Variants in PI4KA observed in about 807,000 individuals in gnomAD.
PI4KA encodes phosphatidylinositol 4-kinase alpha, also known as PI4-kinase alpha.
PI4KA carries 122 observed loss-of-function variants against 271.4 expected under a neutral mutation model. The ratio of observed to expected loss-of-function variants is 0.45; its 90% CI spans 0.39 to 0.52. PI4KA has a LOEUF of 0.52. Among genes scored for constraint, PI4KA ranks in the 20% least tolerant of loss-of-function variants. PI4KA has a pLI of 0.00. For missense variants in PI4KA, 1,969 were observed against 2,769.1 expected, an observed-to-expected ratio of 0.71 and a Z score of 6.48; for synonymous variants, 1,041 against 1,078.8, an observed-to-expected ratio of 0.96 and a Z score of 0.69.
chr22:20,776,931 A>G (rs765982065), intron 19 of PI4KA, among the ~76,000 whole-genome samples: 1 of 152,222 alleles, frequency 6.6e-6, no homozygotes, highest in Non-Finnish European at 1.5e-5. Context: ...AAGAGCAGCC[A>G]GTAACTCTTA....
intron 19 of PI4KA, chr22:20,787,645 C>T (rs577017763): frequency 1.2e-5 from 2 of 167,348 alleles, no homozygotes; most frequent in Non-Finnish European, 2.6e-5. Context: ...CTGCTGTTGC[C>T]TCCCTGTGAC....
intron 18 of PI4KA, among the ~76,000 whole-genome samples, chr22:20,793,734 C>T (rs1488982030): frequency 6.6e-6 from 1 of 152,178 alleles, no homozygotes; most frequent in African/African-American, 2.4e-5. Context: ...TATTTATAGG[C>T]TTCTGTATCT....
intron 23 of PI4KA, among the ~76,000 whole-genome samples, chr22:20,758,380 A>AC (rs1167906584): frequency 2.0e-5 from 3 of 148,336 alleles, no homozygotes; most frequent in Non-Finnish European, 4.5e-5. Flanking sequence ...AAAAAAAAAA[A>AC]AAAAAAAAAC....
At chr22:20,763,352 T>C (rs562083409) in intron 22 of PI4KA, among the ~76,000 whole-genome samples, 1 of 152,246 alleles carries the variant, frequency 6.6e-6, no homozygotes, top group East Asian at 1.9e-4. Flanking sequence ...CCTCAGGATC[T>C]GCCTGCCTCG....
intron 1 of PI4KA, among the ~76,000 whole-genome samples, chr22:20,851,076 TAGGCCAGGCAC>T (rs1368778933): frequency 6.6e-6 from 1 of 152,020 alleles, no homozygotes. Flanking sequence ...TAAAAATGTC[TAGGCCAGGCAC>T]AGTGGCTCAT....
intron 18 of PI4KA, among the ~76,000 whole-genome samples, chr22:20,794,995 C>T (rs1934893962): frequency 6.6e-6 from 1 of 152,040 alleles, no homozygotes; most frequent in Non-Finnish European, 1.5e-5. Context: ...TGACCCCTGA[C>T]CTAGGACAGT....
intron 30 of PI4KA, 59 bp downstream of exon 30, chr22:20,744,569 C>T (rs1929845575): frequency 3.3e-6 from 4 of 1,220,600 alleles, no homozygotes; most frequent in East Asian, 2.4e-5. Flanking sequence ...AAGCGGCCAA[C>T]AGGCCTCAAA....
Position 20,712,675 on chromosome 22 carries a change from T to C in PI4KA, c.5676+18A>G. 2 of 1,553,808 alleles carry C rather than the reference T, an allele frequency of 1.3e-6. No individual in the cohort carries two copies. The highest frequency in any genetic ancestry group is 1.7e-6 in the Non-Finnish European group (2 of 1,145,682). On this transcript the variant is annotated intron_variant, in intron 49 of 54. Coordinates refer to ENST00000255882, the MANE Select transcript of PI4KA (RefSeq NM_058004.4). The stretch of plus-strand genomic sequence containing the variant: ...AGGTGCCCAGGGCTGCCCTACTGGC[T>C]CCACTCAGGGAACTTACCCCAGGGG...
In PI4KA at chr22:20,763,017, TGG is replaced by T. The variant is rs1227387739; in HGVS notation, c.2709-1633_2709-1632del. ...GGCTAGGTTTTTTTGCTTTTTTTTT[TGG>T]GGGGGGGGGGGGTTAGAGACAAGTT... On this transcript the variant is annotated intron_variant, in intron 22 of 54. Coordinates refer to ENST00000255882, the MANE Select transcript of PI4KA (RefSeq NM_058004.4). Among the ~76,000 whole-genome samples, 15 of 52,216 alleles carry T rather than the reference TGG, an allele frequency of 2.9e-4. 1 individual carries two copies. The highest frequency in any genetic ancestry group is 2.8e-3 in the East Asian group (5 of 1,818). 34.3% of individuals were successfully genotyped at this position (52,216 alleles called of 152,430 possible).
At position 20,823,807 on chromosome 22, in the gene PI4KA, G is replaced by A. The variant is rs367679637; in HGVS notation, c.456+519C>T. 9.9e-5 allele frequency among the ~76,000 whole-genome samples: 15 copies of A among 152,186 alleles called. No individual in the cohort carries two copies. In the South Asian group the frequency reaches 2.7e-3, roughly 27 times the overall value. On this transcript the variant is annotated intron_variant, in intron 4 of 54. Coordinates refer to ENST00000255882, the MANE Select transcript of PI4KA (RefSeq NM_058004.4). ...TACAAAACAAATTAGCTGGCATGAT[G>A]GTGCACGCCTATAGTCTCAGCTACT...
At chr22:20,761,461 A>T in intron 22 of PI4KA, 75 bp from the exon 23 acceptor site, 1 of 860,454 alleles carries the variant, frequency 1.2e-6, no homozygotes, top group East Asian at 2.4e-5. Flanking sequence ...ACTGCCCATA[A>T]GTGGTAAGGA....
intron 23 of PI4KA, among the ~76,000 whole-genome samples, chr22:20,759,506 C>A (rs2147368750): frequency 6.7e-6 from 1 of 148,536 alleles, no homozygotes; most frequent in South Asian, 2.1e-4. Context: ...CAGGTTCAAG[C>A]AATTCTCCTG....
At chr22:20,812,439 A>G (rs1438712252) in intron 8 of PI4KA, among the ~76,000 whole-genome samples, 3 of 152,182 alleles carry the variant, frequency 2.0e-5, no homozygotes, top group Non-Finnish European at 2.9e-5. Flanking sequence ...CTCATTTCCA[A>G]GACAGCAAGC....
chr22:20,787,852 T>C (rs1934368836), intron 19 of PI4KA: 2 of 154,626 alleles, frequency 1.3e-5, no homozygotes, highest in Non-Finnish European at 2.9e-5. Flanking sequence ...GCAGGGCATG[T>C]TCTCAGGACA....
At chr22:20,820,134 A>G (rs906330886) in intron 5 of PI4KA, among the ~76,000 whole-genome samples, 1 of 152,210 alleles carries the variant, frequency 6.6e-6, no homozygotes, top group African/African-American at 2.4e-5. Context: ...CCTGCTTGGA[A>G]GGTCTTCATC....
chr22:20,805,023 C>T lies in PI4KA; in HGVS notation c.1311G>A (p.Ala437=), dbSNP rs199953524. ...ELSPLKLRCQ[A]NAACVDLMVW... ...CCATGAGGTCCACACAGGCAGCATT[C>T]GCCTGACAGCGCAGTTTGAGGGGGC... The change falls in exon 11 of 55, where the codon GCG becomes GCA. Residue 437 remains alanine (A), a synonymous_variant. Coordinates refer to ENST00000255882, the MANE Select transcript of PI4KA (RefSeq NM_058004.4). 33 of 1,614,122 alleles carry T rather than the reference C, an allele frequency of 2.0e-5. No homozygotes were observed. Among genetic ancestry groups the T allele is most frequent in the East Asian group, 8.9e-5 (4 of 44,888 alleles).
intron 30 of PI4KA, 174 bp from the exon 31 acceptor site, chr22:20,742,938 G>C: frequency 1.7e-6 from 1 of 578,606 alleles, no homozygotes; most frequent in Non-Finnish European, 3.1e-6. Context: ...ACTGATCACA[G>C]CTTTTTTTTT....
rs373988097 is a variant in PI4KA, at chr22:20,742,362, C to T, written c.3614-7G>A. ...AGGAGCTGCGGGTCACAATCTGGAA[C>T]CAAACACACGTCAGTCAGAGGCCTC... On this transcript the variant is annotated splice_region_variant and splice_polypyrimidine_tract_variant and intron_variant, in intron 31 of 54. Transcript: ENST00000255882. 24 of 1,613,274 alleles carry T rather than the reference C, an allele frequency of 1.5e-5. No homozygotes were observed. The highest frequency in any genetic ancestry group is 2.0e-5 in the Non-Finnish European group (24 of 1,179,624).
intron 19 of PI4KA, chr22:20,780,077 C>A: frequency 6.2e-7 from 1 of 1,614,120 alleles, no homozygotes; most frequent in Non-Finnish European, 8.5e-7. Context: ...ACTTCTCAGA[C>A]CCTGCCTTCA....
Sources: allele counts gnomAD v4.1 joint callset (sites outside exome capture counted in the v4.1 genomes callset), GRCh38; gene constraint gnomAD v4.1.1; transcripts MANE v1.5; gene names NCBI Gene and HGNC (gene_info 2026-07-23, HGNC 2026-07-21).